Variants in CNTLN observed in about 807,000 individuals in gnomAD.
CNTLN encodes centlein, also known as centlein, centrosomal protein.
CNTLN carries 212 observed loss-of-function variants against 180.0 expected under a neutral mutation model. The ratio of observed to expected loss-of-function variants is 1.18; its 90% confidence interval spans 1.05 to 1.32. The LOEUF is 1.32. Ranked by LOEUF, CNTLN falls within the 40% of genes most tolerant of loss-of-function variation. The probability of loss-of-function intolerance (pLI) is 0.00; values close to 1 mark genes in which losing one functional copy is unlikely to be tolerated. For synonymous variants in CNTLN, 722 were observed against 563.1 expected, an observed-to-expected ratio of 1.28 and a Z score of -3.99; for missense variants, 2,095 against 1,610.9, an observed-to-expected ratio of 1.30 and a Z score of -5.14.
chr9:17,400,279 C>T (rs1314558793), intron 15 of CNTLN, among the ~76,000 whole-genome samples: 1 of 151,966 alleles, frequency 6.6e-6, no homozygotes, highest in Non-Finnish European at 1.5e-5. Flanking sequence ...CTGGGAATAC[C>T]GGCGCACACC....
intron 23 of CNTLN, among the ~76,000 whole-genome samples, chr9:17,475,174 C>T (rs1832262923): frequency 6.6e-6 from 1 of 152,062 alleles, no homozygotes; most frequent in African/African-American, 2.4e-5. Context: ...TCTCTTTGCC[C>T]TGTCAAATTT....
the CNTLN span, among the ~76,000 whole-genome samples, chr9:17,518,036 CTTTTTTTTTTTTTT>C: frequency 2.9e-5 from 2 of 69,244 alleles, no homozygotes; most frequent in Admixed American, 2.7e-4. Flanking sequence ...TTTTCTTTTC[CTTTTTTTTTTTTTT>C]TTTTTTTTTT....
At chr9:17,520,651 T>G in the CNTLN span, among the ~76,000 whole-genome samples, 1 of 152,220 alleles carries the variant, frequency 6.6e-6, no homozygotes, top group African/African-American at 2.4e-5. Flanking sequence ...TTTATTGAAG[T>G]TGAGTCTGTT....
intron 18 of CNTLN, among the ~76,000 whole-genome samples, chr9:17,422,232 G>T (rs1828773401): frequency 6.6e-6 from 1 of 152,142 alleles, no homozygotes; most frequent in South Asian, 2.1e-4. Flanking sequence ...TGGCCTGTAA[G>T]GTTTCCACTG....
chr9:17,474,336 T>A (rs1051875047), intron 23 of CNTLN, among the ~76,000 whole-genome samples: 1 of 152,178 alleles, frequency 6.6e-6, no homozygotes, highest in African/African-American at 2.4e-5. Flanking sequence ...TCACTAGTCA[T>A]CCAGATGGTT....
the CNTLN span, among the ~76,000 whole-genome samples, chr9:17,510,631 G>C: frequency 6.6e-6 from 1 of 152,190 alleles, no homozygotes; most frequent in Non-Finnish European, 1.5e-5. Flanking sequence ...CTAGCAGTTT[G>C]CCTTTGGACT....
chr9:17,472,349 C>A (rs920084741), intron 23 of CNTLN, among the ~76,000 whole-genome samples: 2 of 152,042 alleles, frequency 1.3e-5, no homozygotes, highest in African/African-American at 4.8e-5. Context: ...TAGAGTCACG[C>A]ACCCCAATTA....
chr9:17,159,391 C>T (rs1457850967), intron 2 of CNTLN, among the ~76,000 whole-genome samples: 1 of 152,118 alleles, frequency 6.6e-6, no homozygotes, highest in Non-Finnish European at 1.5e-5. Flanking sequence ...CTTTGAGTGA[C>T]CCCCCAACTC....
rs558982162 is a variant in CNTLN, at chr9:17,225,640, T to C, written c.450-563T>C. ...AGCTATATTTGTTTAAAAGCTATAT[T>C]TGTTTTAGAAGATAGTCATTCTTTA... is the stretch of plus-strand genomic sequence containing the variant. On this transcript the variant is annotated intron_variant, in intron 2 of 25. Transcript: ENST00000380647. Among the ~76,000 whole-genome samples, 7 of 152,128 alleles carry C rather than the reference T, an allele frequency of 4.6e-5. No homozygotes were observed. The East Asian group carries it at 1.2e-3, about 25-fold the overall frequency.
downstream of CNTLN, among the ~76,000 whole-genome samples, chr9:17,506,313 C>G (rs1171103558): frequency 1.3e-5 from 2 of 152,060 alleles, no homozygotes; most frequent in African/African-American, 2.4e-5. Context: ...TGGGAATAGA[C>G]AAGCTACAGA....
Position 17,254,053 on chromosome 9 carries a change from G to T in CNTLN, c.849+17465G>T, listed in dbSNP as rs184015673. 2.0e-4 allele frequency among the ~76,000 whole-genome samples: 30 copies of T among 151,528 alleles called. No individual in the cohort carries two copies. In the East Asian group the frequency reaches 5.6e-3, roughly 28 times the overall value. ...ATGATCAGATTATTTTTGTCCTTCAGTTCATTGATGTGATGTGTTACATTT... is the reference window on the plus strand; with the variant it reads ...ATGATCAGATTATTTTTGTCCTTCATTTCATTGATGTGATGTGTTACATTT... On this transcript the variant is annotated intron_variant, in intron 5 of 25. Coordinates refer to ENST00000380647, the MANE Select transcript of CNTLN (RefSeq NM_017738.4).
intron 10 of CNTLN, among the ~76,000 whole-genome samples, chr9:17,339,738 C>G (rs1224930054): frequency 1.3e-5 from 2 of 152,152 alleles, no homozygotes; most frequent in Admixed American, 6.6e-5. Flanking sequence ...ACTTATTTTA[C>G]TTTGAGAAAC....
intron 25 of CNTLN, among the ~76,000 whole-genome samples, chr9:17,499,166 A>C (rs1010269585): frequency 6.6e-6 from 1 of 152,178 alleles, no homozygotes; most frequent in Non-Finnish European, 1.5e-5. Flanking sequence ...TATTTTAAGT[A>C]CAGTGTCAGT....
intron 10 of CNTLN, among the ~76,000 whole-genome samples, chr9:17,333,064 A>G (rs1820751433): frequency 1.3e-5 from 2 of 152,144 alleles, no homozygotes; most frequent in South Asian, 2.1e-4. Flanking sequence ...TTCTTTATAT[A>G]TGATAAACAT....
chr9:17,496,559 C>T (rs902352205), intron 25 of CNTLN, among the ~76,000 whole-genome samples: 4 of 152,186 alleles, frequency 2.6e-5, no homozygotes, highest in Admixed American at 1.3e-4. Context: ...TTTCAACATA[C>T]AAATTTTGGG....
Position 17,359,717 on chromosome 9 carries a change from T to TAAAAAAAAAAAAAAAAA in CNTLN, c.1887-6895_1887-6894insAAAAAAAAAAAAAAAAA, listed in dbSNP as rs1456379699. Among the ~76,000 whole-genome samples the TAAAAAAAAAAAAAAAAA allele has an allele frequency of 2.7e-3, 37 of 13,476 alleles. 6 individuals carry two copies. Among genetic ancestry groups the TAAAAAAAAAAAAAAAAA allele is most frequent in the East Asian group, 9.1e-3 (3 of 328 alleles). 8.8% of individuals were successfully genotyped at this position (13,476 alleles called of 152,430 possible). On this transcript the variant is annotated intron_variant, in intron 12 of 25. Transcript: ENST00000380647. ...TAACACGGTGAAACTCCGTCTATAC[T>TAAAAAAAAAAAAAAAAA]AAAAATACAAAAAAAAAAAAAAAAA... is the stretch of plus-strand genomic sequence containing the variant.
intron 12 of CNTLN, among the ~76,000 whole-genome samples, chr9:17,343,847 C>T (rs1414931623): frequency 6.6e-6 from 1 of 152,134 alleles, no homozygotes; most frequent in East Asian, 1.9e-4. Context: ...CCCTCCCATC[C>T]ATCCTGCCCA....
intron 8 of CNTLN, among the ~76,000 whole-genome samples, chr9:17,316,596 T>C (rs1226906733): frequency 1.3e-5 from 2 of 152,092 alleles, no homozygotes; most frequent in East Asian, 1.9e-4. Context: ...TTTCACACCA[T>C]TGTAAAGTTG....
At chr9:17,377,154 T>A (rs1239816031) in intron 13 of CNTLN, among the ~76,000 whole-genome samples, 1 of 152,230 alleles carries the variant, frequency 6.6e-6, no homozygotes, top group East Asian at 1.9e-4. Flanking sequence ...GTCTTGTCTC[T>A]CTATATAACG....
Sources: gnomAD v4.1 joint callset for allele counts (sites outside exome capture counted in the v4.1 genomes callset) on GRCh38, gnomAD v4.1.1 for gene constraint, MANE v1.5 for transcripts, NCBI Gene and HGNC (gene_info 2026-07-23, HGNC 2026-07-21) for gene names.